CSMD1: variants seen among roughly 807,000 people sequenced by gnomAD.
The protein encoded by CSMD1 is CUB and Sushi multiple domains 1, also known as CUB and sushi domain-containing protein 1.
Under a neutral mutation model 417.5 loss-of-function variants are expected in CSMD1, and 213 were observed. The observed-to-expected ratio is 0.51, with a 90% CI of 0.46 to 0.57. CSMD1 has a LOEUF of 0.57. Ranked by LOEUF, CSMD1 falls within the 20% of genes least tolerant of loss-of-function variation. CSMD1 has a pLI of 0.00. For synonymous variants in CSMD1, 2,862 were observed against 1,736.8 expected (o/e 1.65, Z -16.11); for missense variants, 6,923 against 4,529.7 (o/e 1.53, Z -15.17).
Position 3,825,395 on chromosome 8 carries a change from G to C in CSMD1, c.819-71353C>G, listed in dbSNP as rs560145881. On this transcript the variant is annotated intron_variant, in intron 5 of 69. Coordinates refer to ENST00000635120, the MANE Select transcript of CSMD1 (RefSeq NM_033225.6). ...AAATACAAAATTAGCCAGGGGTGGT[G>C]GTAGGCACCTGTAATCCCAGGTACT... is the stretch of plus-strand genomic sequence containing the variant. 3.3e-5 allele frequency among the ~76,000 whole-genome samples: 5 copies of C among 152,210 alleles called. No individual in the cohort carries two copies. The East Asian group carries it at 9.7e-4, about 29-fold the overall frequency.
chr8:3,795,153 C>T (rs75577380), intron 5 of CSMD1, among the ~76,000 whole-genome samples: 19,153 of 64,764 alleles, frequency 0.3, 4,609 homozygotes, highest in East Asian at 0.42. Flanking sequence ...CTATCATGTA[C>T]AGCTATAGAT....
intron 15 of CSMD1, among the ~76,000 whole-genome samples, chr8:3,401,756 A>G (rs947977441): frequency 3.9e-5 from 6 of 152,172 alleles, no homozygotes; most frequent in African/African-American, 1.4e-4. Flanking sequence ...TGAGTACAGC[A>G]TTTCCTCATA....
intron 2 of CSMD1, among the ~76,000 whole-genome samples, chr8:4,469,553 A>G (rs1286340020): frequency 6.6e-6 from 1 of 152,188 alleles, no homozygotes; most frequent in Non-Finnish European, 1.5e-5. Context: ...ATTAACGGCA[A>G]ACCTATTCTT....
intron 1 of CSMD1, among the ~76,000 whole-genome samples, chr8:4,737,723 A>G (rs908852464): frequency 6.6e-6 from 1 of 152,202 alleles, no homozygotes; most frequent in Non-Finnish European, 1.5e-5. Context: ...CCTAAGCAAT[A>G]GGTAATGGCT....
At chr8:3,670,073 G>C (rs1163493217) in intron 7 of CSMD1, among the ~76,000 whole-genome samples, 1 of 152,158 alleles carries the variant, frequency 6.6e-6, no homozygotes, top group Admixed American at 6.6e-5. Context: ...TTAATACTGA[G>C]TGTCAACTTG....
chr8:4,300,762 C>T lies in CSMD1; in HGVS notation c.415+119191G>A, dbSNP rs184050330. On this transcript the variant is annotated intron_variant, in intron 3 of 69. Coordinates refer to ENST00000635120, the MANE Select transcript of CSMD1 (RefSeq NM_033225.6). ...ACGTGTTCTGGTTGTTCAATTCCTC[C>T]CTATGGGTGAGAACATGCAGTGTTT... Among the ~76,000 whole-genome samples, 530 of 152,212 alleles carry T rather than the reference C, an allele frequency of 3.5e-3. 7 individuals are homozygous for T. The highest frequency in any genetic ancestry group is 0.012 in the African/African-American group (503 of 41,520).
chr8:3,305,074 G>A (rs1195526603), intron 25 of CSMD1, among the ~76,000 whole-genome samples: 1 of 152,088 alleles, frequency 6.6e-6, no homozygotes, highest in Non-Finnish European at 1.5e-5. Flanking sequence ...AGACTGCAGT[G>A]GTGTGATCAT....
intron 1 of CSMD1, among the ~76,000 whole-genome samples, chr8:4,713,443 C>T (rs887385153): frequency 7.2e-5 from 11 of 152,104 alleles, no homozygotes; most frequent in African/African-American, 2.7e-4. Context: ...CCTCTCTTGC[C>T]CAGGCTGGAG....
chr8:3,790,813 G>A (rs1201962757), intron 5 of CSMD1, among the ~76,000 whole-genome samples: 1 of 152,106 alleles, frequency 6.6e-6, no homozygotes, highest in Non-Finnish European at 1.5e-5. Context: ...GTCGATAATG[G>A]GACCTGGAGA....
chr8:4,841,655 A>C (rs779990108), intron 1 of CSMD1, among the ~76,000 whole-genome samples: 14 of 152,156 alleles, frequency 9.2e-5, no homozygotes, highest in Non-Finnish European at 2.1e-4. Flanking sequence ...TCACGCCTGT[A>C]ATCCCAGCCG....
intron 25 of CSMD1, among the ~76,000 whole-genome samples, chr8:3,303,654 C>T (rs1804587211): frequency 6.6e-6 from 1 of 152,206 alleles, no homozygotes; most frequent in Non-Finnish European, 1.5e-5. Context: ...ACAGTGTACA[C>T]ATATGGTTAT....
chr8:3,584,749 G>T (rs1440349879), intron 9 of CSMD1, among the ~76,000 whole-genome samples: 2 of 152,040 alleles, frequency 1.3e-5, no homozygotes, highest in East Asian at 3.8e-4. Context: ...AAATAATGAA[G>T]CCTATTTCCC....
At chr8:4,296,473 A>T (rs1213065346) in intron 3 of CSMD1, among the ~76,000 whole-genome samples, 1 of 152,112 alleles carries the variant, frequency 6.6e-6, no homozygotes, top group African/African-American at 2.4e-5. Context: ...AAATATTTAA[A>T]TATTTTAAAT....
intron 36 of CSMD1, among the ~76,000 whole-genome samples, chr8:3,186,452 G>T (rs1821765099): frequency 6.6e-6 from 1 of 152,116 alleles, no homozygotes; most frequent in African/African-American, 2.4e-5. Flanking sequence ...ACAATAAGAT[G>T]ATAGATTGGC....
At chr8:4,035,434 G>A (rs186201950) in intron 3 of CSMD1, among the ~76,000 whole-genome samples, 1 of 152,044 alleles carries the variant, frequency 6.6e-6, no homozygotes, top group Non-Finnish European at 1.5e-5. Context: ...CCTTAGTCAG[G>A]TCCTTCAGGA....
In CSMD1 at chr8:3,406,094, G is replaced by C. The variant is rs776861517; in HGVS notation, c.2199C>G (p.Ser733=). The C allele has an allele frequency of 3.1e-6, 5 of 1,613,768 alleles. No individual in the cohort carries two copies. Among genetic ancestry groups the C allele is most frequent in the Admixed American group, 3.3e-5 (2 of 60,000 alleles). ...CDDGFVKTQG[S]ESITCILQDG... ...CTTGCAGTATGCAGGTAATGGACTC[G>C]GATCCCTGGGTCTTGACAAAGCCAT... Residue 733 remains serine (S), a synonymous_variant, in exon 15 of 70, where the codon TCC becomes TCG. Coordinates refer to ENST00000635120, the MANE Select transcript of CSMD1 (RefSeq NM_033225.6).
chr8:4,003,404 AAAC>A (rs1048196601), intron 4 of CSMD1, among the ~76,000 whole-genome samples: 5 of 125,242 alleles, frequency 4.0e-5, no homozygotes, highest in African/African-American at 1.5e-4. Context: ...ATAAACAAAC[AAAC>A]AAAAAAACAA....
intron 3 of CSMD1, among the ~76,000 whole-genome samples, chr8:4,342,625 C>A (rs747222157): frequency 4.6e-5 from 7 of 151,956 alleles, no homozygotes; most frequent in African/African-American, 1.7e-4. Context: ...GATTCACATG[C>A]AGACATTCTT....
chr8:4,548,632 A>G (rs1797734321), intron 2 of CSMD1, among the ~76,000 whole-genome samples: 2 of 152,092 alleles, frequency 1.3e-5, no homozygotes, highest in African/African-American at 4.8e-5. Flanking sequence ...TTTTTTCCCC[A>G]CAGAATGATT....
Sources: allele counts gnomAD v4.1 joint callset (sites outside exome capture counted in the v4.1 genomes callset), GRCh38; gene constraint gnomAD v4.1.1; transcripts MANE v1.5; gene names NCBI Gene and HGNC (gene_info 2026-07-23, HGNC 2026-07-21).